The following SBF2 variants were observed in gnomAD, a reference collection of about 807,000 sequenced individuals.
The protein encoded by SBF2 is SET binding factor 2.
Under a neutral mutation model 225.2 loss-of-function variants are expected in SBF2, and 112 were observed. The ratio of observed to expected loss-of-function variants is 0.50; its 90% CI spans 0.43 to 0.58. The LOEUF (loss-of-function observed/expected upper bound fraction) is 0.58. Ranked by LOEUF, SBF2 falls within the 20% of genes least tolerant of loss-of-function variation. SBF2 has a pLI of 0.00. For synonymous variants in SBF2, 763 were observed against 773.3 expected (o/e 0.99, Z 0.22); for missense variants, 1,996 against 2,206.2 (o/e 0.90, Z 1.91).
At chr11:9,833,709 C>T (rs993295194) in intron 26 of SBF2, among the ~76,000 whole-genome samples, 7 of 149,954 alleles carry the variant, frequency 4.7e-5, no homozygotes, top group South Asian at 2.1e-4. Context: ...CATGAGCCAC[C>T]GTGCCCAGCT....
At chr11:10,152,041 T>G (rs1324807974) in intron 2 of SBF2, among the ~76,000 whole-genome samples, 1 of 152,214 alleles carries the variant, frequency 6.6e-6, no homozygotes, top group African/African-American at 2.4e-5. Flanking sequence ...TACTAAAAAT[T>G]AGGCTGGGAA....
chr11:9,912,806 A>G (rs916911757), intron 16 of SBF2, among the ~76,000 whole-genome samples: 5 of 152,236 alleles, frequency 3.3e-5, no homozygotes, highest in Admixed American at 6.5e-5. Flanking sequence ...CCCCACTGTC[A>G]ATTTAAAAAT....
intron 2 of SBF2, among the ~76,000 whole-genome samples, chr11:10,152,340 C>T (rs1349124873): frequency 2.0e-5 from 3 of 151,718 alleles, no homozygotes; most frequent in Non-Finnish European, 2.9e-5. Context: ...CACCTGAGGT[C>T]GGGAGTTCGA....
intron 16 of SBF2, among the ~76,000 whole-genome samples, chr11:9,898,653 G>A (rs116753575): frequency 0.015 from 2,252 of 152,132 alleles, 62 homozygotes; most frequent in African/African-American, 0.051. Context: ...CCTGGGCAAC[G>A]GAGTGAGACC....
chr11:9,831,800 TGTAAGA>T (rs1855416743), intron 27 of SBF2, among the ~76,000 whole-genome samples: 1 of 152,200 alleles, frequency 6.6e-6, no homozygotes, highest in East Asian at 1.9e-4. Context: ...GCGTATGACT[TGTAAGA>T]GTGAGGATGG....
intron 16 of SBF2, among the ~76,000 whole-genome samples, chr11:9,920,363 G>C (rs574953274): frequency 6.6e-6 from 1 of 152,182 alleles, no homozygotes; most frequent in African/African-American, 2.4e-5. Flanking sequence ...CAAGAGTCAG[G>C]CCAAGTTCCT....
At chr11:10,009,790 T>C (rs148891861) in intron 6 of SBF2, among the ~76,000 whole-genome samples, 7,961 of 152,292 alleles carry the variant, frequency 0.052, 297 homozygotes, top group Middle Eastern at 0.16. Flanking sequence ...GATTGCTGGG[T>C]CAAATGGTAT....
chr11:10,183,801 A>G (rs1049725155), intron 2 of SBF2, among the ~76,000 whole-genome samples: 2 of 152,210 alleles, frequency 1.3e-5, no homozygotes, highest in African/African-American at 4.8e-5. Flanking sequence ...AGCTCATAGA[A>G]GCAGAGAGTA....
At chr11:10,119,737 G>C (rs1209109001) in intron 2 of SBF2, among the ~76,000 whole-genome samples, 3 of 152,044 alleles carry the variant, frequency 2.0e-5, no homozygotes, top group Admixed American at 6.6e-5. Flanking sequence ...ATTATTTATA[G>C]GGTCATAAAA....
chr11:9,785,735 T>C (rs1852330162), intron 36 of SBF2, among the ~76,000 whole-genome samples: 1 of 151,996 alleles, frequency 6.6e-6, no homozygotes, highest in Non-Finnish European at 1.5e-5. Flanking sequence ...TATGGTGGTG[T>C]GTGCCTGTAG....
intron 16 of SBF2, among the ~76,000 whole-genome samples, chr11:9,947,204 GT>G (rs1865612523): frequency 6.6e-6 from 1 of 152,154 alleles, no homozygotes; most frequent in Non-Finnish European, 1.5e-5. Context: ...AAATATTTTA[GT>G]TCAAATAAGA....
At position 9,845,633 on chromosome 11, in the gene SBF2, A is replaced by G. The variant is rs761536516; in HGVS notation, c.3042T>C (p.Ala1014=). 3 of 1,614,016 alleles carry G rather than the reference A, an allele frequency of 1.9e-6. No individual in the cohort carries two copies. In the South Asian group the frequency reaches 3.3e-5, roughly 18 times the overall value. The change falls in exon 24 of 40, where the codon GCT becomes GCC. Residue 1014 remains alanine, a synonymous_variant. Coordinates refer to ENST00000256190, the MANE Select transcript of SBF2 (RefSeq NM_030962.4). Reference sequence around the variant, plus strand: ...GTGGGGTAGTTTGTCCAGCAGCAAAAGCAAAGGTACTGAAAATGGACTGAG... The same window carrying G: ...GTGGGGTAGTTTGTCCAGCAGCAAAGGCAAAGGTACTGAAAATGGACTGAG... ...RYPQSIFSTF[A]FAAGQTTPQI...
At chr11:9,802,601 G>A (rs1176344966) in intron 32 of SBF2, among the ~76,000 whole-genome samples, 1 of 152,148 alleles carries the variant, frequency 6.6e-6, no homozygotes, top group African/African-American at 2.4e-5. Flanking sequence ...GCCTAGTTCT[G>A]TTGTGTGTCC....
chr11:10,232,352 C>A (rs894038902), intron 1 of SBF2, among the ~76,000 whole-genome samples: 2 of 152,156 alleles, frequency 1.3e-5, no homozygotes, highest in Non-Finnish European at 2.9e-5. Context: ...GAGATGAACG[C>A]GGTACCTCAG....
intron 28 of SBF2, among the ~76,000 whole-genome samples, chr11:9,829,143 C>G (rs1244265618): frequency 6.6e-6 from 1 of 152,078 alleles, no homozygotes; most frequent in Non-Finnish European, 1.5e-5. Flanking sequence ...AAAGAAAAAA[C>G]TGAATCTCTA....
chr11:10,243,242 A>G (rs1361359636), intron 1 of SBF2, among the ~76,000 whole-genome samples: 2 of 152,158 alleles, frequency 1.3e-5, no homozygotes, highest in Non-Finnish European at 2.9e-5. Context: ...GTCAAAGAAG[A>G]AACCAAAAAG....
At chr11:9,800,421 T>G (rs1484991412) in intron 32 of SBF2, among the ~76,000 whole-genome samples, 1 of 152,060 alleles carries the variant, frequency 6.6e-6, no homozygotes, top group Admixed American at 6.5e-5. Flanking sequence ...ATTATTATTT[T>G]TTTGAGATGG....
intron 2 of SBF2, among the ~76,000 whole-genome samples, chr11:10,182,516 C>G (rs988105766): frequency 2.6e-5 from 4 of 152,088 alleles, no homozygotes; most frequent in African/African-American, 9.7e-5. Flanking sequence ...ATCAAAACTT[C>G]AAGAAAGAAG....
Position 9,962,045 on chromosome 11 carries a change from T to C in SBF2, c.1772A>G (p.Glu591Gly). 6.2e-7 allele frequency: 1 copy of C among 1,614,088 alleles called. No individual in the cohort carries two copies. Among genetic ancestry groups the C allele is most frequent in the Non-Finnish European group, 8.5e-7 (1 of 1,179,958 alleles). ...GKAARQCLTD[E>G]LGLHVQQNRA... is the part of the protein sequence containing the mutation. The stretch of plus-strand genomic sequence containing the variant: ...GTTTTGCTGGACATGCAAACCCAAT[T>C]CATCAGTGAGACACTGTCTTGCTGC... Residue 591 changes from glutamate (E) to glycine (G), a missense_variant, in exon 16 of 40, where the codon GAA becomes GGA. Glu to Gly is a moderately conservative substitution (Grantham distance 98). Transcript: ENST00000256190.
Sources: allele counts gnomAD v4.1 joint callset (sites outside exome capture counted in the v4.1 genomes callset), GRCh38; gene constraint gnomAD v4.1.1; transcripts MANE v1.5; gene names NCBI Gene and HGNC (gene_info 2026-07-23, HGNC 2026-07-21).